The following PLXNA4 variants were observed in gnomAD, a reference collection of about 807,000 sequenced individuals.
The protein encoded by PLXNA4 is plexin-A4.
A neutral mutation model predicts 191.8 loss-of-function variants in PLXNA4; 44 were observed. The observed-to-expected ratio is 0.23, with a 90% CI of 0.18 to 0.29. The LOEUF is 0.29. Ranked by LOEUF, PLXNA4 falls within the 10% of genes least tolerant of loss-of-function variation. The probability of loss-of-function intolerance (pLI) is 1.00; values close to 1 mark genes in which losing one functional copy is unlikely to be tolerated. For missense variants in PLXNA4, 1,800 were observed against 2,488.8 expected, an observed-to-expected ratio of 0.72 and a Z score of 5.89; for synonymous variants, 1,082 against 1,009.5, an observed-to-expected ratio of 1.07 and a Z score of -1.36.
At chr7:132,646,805 T>C (rs747239690) in intron 1 of PLXNA4, among the ~76,000 whole-genome samples, 6 of 152,150 alleles carry the variant, frequency 3.9e-5, no homozygotes, top group Non-Finnish European at 7.4e-5. Context: ...CCCAAGCCAC[T>C]GCCAGTTCCA....
At chr7:132,387,637 G>A (rs1356116776) in intron 3 of PLXNA4, among the ~76,000 whole-genome samples, 1 of 152,204 alleles carries the variant, frequency 6.6e-6, no homozygotes, top group Non-Finnish European at 1.5e-5. Flanking sequence ...GAGCACAAAG[G>A]GTGAGAGACA....
At chr7:132,222,279 C>T (rs557355344) in intron 9 of PLXNA4, among the ~76,000 whole-genome samples, 10 of 152,338 alleles carry the variant, frequency 6.6e-5, no homozygotes, top group African/African-American at 2.2e-4. Flanking sequence ...CACTACCCAC[C>T]GTGCTATGGG....
At chr7:132,598,158 G>T (rs538021519) in intron 2 of PLXNA4, among the ~76,000 whole-genome samples, 63 of 152,244 alleles carry the variant, frequency 4.1e-4, no homozygotes, top group Middle Eastern at 6.8e-3. Context: ...GCCCAGGCTG[G>T]AGTACAGTGG....
At chr7:132,456,507 A>T (rs1308872146) in intron 3 of PLXNA4, among the ~76,000 whole-genome samples, 1 of 152,200 alleles carries the variant, frequency 6.6e-6, no homozygotes, top group African/African-American at 2.4e-5. Flanking sequence ...AAGCCAAAAC[A>T]ACCAGAGGGA....
intron 3 of PLXNA4, 27 bp from the exon 4 acceptor site, chr7:132,298,249 GT>G (rs1563019939): frequency 6.2e-7 from 1 of 1,600,100 alleles, no homozygotes; most frequent in South Asian, 1.1e-5. Context: ...GAGAGCCAAA[GT>G]GAGTTCAGAT....
rs187743306 is a variant in PLXNA4 at position 132,202,215 on chromosome 7, T to C, written c.2586+431A>G. On this transcript the variant is annotated intron_variant, in intron 12 of 31. Transcript: ENST00000321063. The stretch of plus-strand genomic sequence containing the variant: ...TGCTTTGGGGGAGTTCAAAGACCTC[T>C]CTGTTGTGACCTTCTTCACCTCCCC... 1.2e-4 allele frequency among the ~76,000 whole-genome samples: 18 copies of C among 152,236 alleles called. No homozygotes were observed. The East Asian group carries it at 3.5e-3, about 29-fold the overall frequency.
At chr7:132,435,051 G>C (rs1482803163) in intron 3 of PLXNA4, among the ~76,000 whole-genome samples, 1 of 152,072 alleles carries the variant, frequency 6.6e-6, no homozygotes, top group Non-Finnish European at 1.5e-5. Flanking sequence ...ACACTTGTTG[G>C]GGAGTCAGTC....
At chr7:132,354,626 A>T (rs1803627081) in intron 3 of PLXNA4, among the ~76,000 whole-genome samples, 1 of 152,164 alleles carries the variant, frequency 6.6e-6, no homozygotes, top group African/African-American at 2.4e-5. Flanking sequence ...GTGTGTCCTA[A>T]TGTACCCCTG....
At chr7:132,472,843 G>T (rs546235763) in intron 3 of PLXNA4, among the ~76,000 whole-genome samples, 1 of 152,138 alleles carries the variant, frequency 6.6e-6, no homozygotes, top group Non-Finnish European at 1.5e-5. Flanking sequence ...GGAACAGGCT[G>T]GGGGGTCTGG....
At chr7:132,301,685 G>C (rs1357529879) in intron 3 of PLXNA4, among the ~76,000 whole-genome samples, 3 of 152,232 alleles carry the variant, frequency 2.0e-5, no homozygotes, top group African/African-American at 7.2e-5. Context: ...TTTTAAACAA[G>C]CATCACCCCA....
chr7:132,228,506 GC>G, intron 5 of PLXNA4, 37 bp from the exon 6 acceptor site: 1 of 1,612,316 alleles, frequency 6.2e-7, no homozygotes, highest in Non-Finnish European at 8.5e-7. Flanking sequence ...TCAGGAGATG[GC>G]CGCTTGGTCC....
chr7:132,362,367 G>A (rs1803979599), intron 3 of PLXNA4, among the ~76,000 whole-genome samples: 1 of 152,188 alleles, frequency 6.6e-6, no homozygotes, highest in East Asian at 1.9e-4. Flanking sequence ...GGGAATTGGT[G>A]TAACTAGCCC....
intron 3 of PLXNA4, among the ~76,000 whole-genome samples, chr7:132,343,809 TG>T (rs1803133199): frequency 1.3e-5 from 2 of 152,116 alleles, no homozygotes; most frequent in African/African-American, 2.4e-5. Context: ...CCCAGCTACT[TG>T]GGAGGCTGAG....
At chr7:132,434,427 T>C (rs1314854036) in intron 3 of PLXNA4, among the ~76,000 whole-genome samples, 1 of 152,226 alleles carries the variant, frequency 6.6e-6, no homozygotes, top group African/African-American at 2.4e-5. Context: ...ACTCTGTGCA[T>C]GCTATCCTGT....
Position 132,128,503 on chromosome 7 carries a change from A to C in PLXNA4, c.*1976T>G, listed in dbSNP as rs1319507656. The C allele has an allele frequency of 6.6e-6, 1 of 152,172 alleles. No homozygotes were observed. The highest frequency in any genetic ancestry group is 1.5e-5 in the Non-Finnish European group (1 of 68,052). The allele number at this position is 152,172 out of a possible 1,614,324, so 9.4% of individuals were successfully genotyped here. A position where few individuals can be genotyped will look rare whatever the true frequency, so the allele number is the denominator to read the frequency against. On this transcript the variant is annotated 3_prime_UTR_variant, in exon 32 of 32. Coordinates refer to ENST00000321063, the MANE Select transcript of PLXNA4 (RefSeq NM_020911.2). The stretch of plus-strand genomic sequence containing the variant: ...GCAAGTAAGTGTTGAAATGTCCTGA[A>C]GCTGCAGGATGAATGGATGAGCAAG...
chr7:132,174,833 G>A lies in PLXNA4; in HGVS notation c.3962C>T (p.Thr1321Ile). ...AATTCCTGGGAACAGCACCCGCATG[G>A]TGTAAGTTCTATAGTCCAGGAACGG... ...GIPFLDYRTY[T>I]MRVLFPGIED... Residue 1321 changes from threonine to isoleucine, a missense_variant, in exon 21 of 32, where the codon ACC becomes ATC. Thr to Ile is a moderately conservative substitution (Grantham distance 89). Transcript: ENST00000321063. 6.2e-7 allele frequency: 1 copy of A among 1,614,064 alleles called. No homozygotes were observed. Among genetic ancestry groups the A allele is most frequent in the Non-Finnish European group, 8.5e-7 (1 of 1,179,924 alleles).
In PLXNA4 at chr7:132,267,939, G is replaced by A. The variant is rs538167277; in HGVS notation, c.1504-26773C>T. ...ACTCTAATGCACGCACTGCCACCCA[G>A]AACAATAAGCCAGGCAATGGAGAAT... On this transcript the variant is annotated intron_variant, in intron 4 of 31. Coordinates refer to ENST00000321063, the MANE Select transcript of PLXNA4 (RefSeq NM_020911.2). 5.3e-5 allele frequency among the ~76,000 whole-genome samples: 8 copies of A among 152,256 alleles called. No homozygotes were observed. In the South Asian group the frequency reaches 1.7e-3, roughly 32 times the overall value.
chr7:132,593,086 T>C (rs1410457176), intron 2 of PLXNA4, among the ~76,000 whole-genome samples: 1 of 152,196 alleles, frequency 6.6e-6, no homozygotes. Flanking sequence ...GGTGGACTAA[T>C]TCGTGAGGAT....
intron 21 of PLXNA4, among the ~76,000 whole-genome samples, chr7:132,169,924 G>A (rs1384838945): frequency 6.6e-6 from 1 of 152,140 alleles, no homozygotes; most frequent in African/African-American, 2.4e-5. Flanking sequence ...ACTGCAGGGT[G>A]TGTCTCCTGA....
Sources: allele counts gnomAD v4.1 joint callset (sites outside exome capture counted in the v4.1 genomes callset), GRCh38; gene constraint gnomAD v4.1.1; transcripts MANE v1.5; gene names NCBI Gene and HGNC (gene_info 2026-07-23, HGNC 2026-07-21).